The following EEF1A2 variants were observed in gnomAD, a reference collection of about 807,000 sequenced individuals.
EEF1A2 encodes the protein elongation factor 1-alpha 2.
Under a neutral mutation model 39.3 loss-of-function variants are expected in EEF1A2, and 5 were observed. The ratio of observed to expected loss-of-function variants is 0.13; its 90% CI spans 0.07 to 0.27. EEF1A2 has a LOEUF of 0.27. Among genes scored for constraint, EEF1A2 ranks in the 10% least tolerant of loss-of-function variants. The pLI is 1.00. For missense variants in EEF1A2, 218 were observed against 681.4 expected (o/e 0.32, Z 7.57); for synonymous variants, 287 against 293.7 (o/e 0.98, Z 0.23).
intron 5 of EEF1A2, among the ~76,000 whole-genome samples, chr20:63,492,225 GAA>G (rs2145942128): frequency 6.8e-6 from 1 of 147,150 alleles, no homozygotes; most frequent in African/African-American, 2.5e-5. Flanking sequence ...TGGATGGATG[GAA>G]GGATGGATGG....
At chr20:63,495,739 C>G in intron 3 of EEF1A2, 117 bp downstream of exon 3, 1 of 1,359,308 alleles carries the variant, frequency 7.4e-7, no homozygotes, top group Non-Finnish European at 9.9e-7. Flanking sequence ...TGAGGGGTCC[C>G]CTGCCCTCAC....
At position 63,489,078 on chromosome 20, in the gene EEF1A2, G is replaced by A. The variant is rs965429825; in HGVS notation, c.1104C>T (p.Ile368=). The A allele has an allele frequency of 3.7e-6, 6 of 1,612,794 alleles. No homozygotes were observed. The highest frequency in any genetic ancestry group is 1.7e-5 in the Admixed American group (1 of 60,030). ...CCTTCAGCTCCGCAAACTTGCAGGC[G>A]ATGTGGGCTGTGTGGCAGTCGATGA... is the stretch of plus-strand genomic sequence containing the variant. The part of the protein sequence containing the change: ...SPVIDCHTAH[I]ACKFAELKEK... Residue 368 remains isoleucine (I), a synonymous_variant, in exon 7 of 8, where the codon ATC becomes ATT. Transcript: ENST00000217182.
Position 63,493,426 on chromosome 20 carries a change from C to T in EEF1A2, c.622-139G>A, listed in dbSNP as rs546252052. The T allele has an allele frequency of 1.6e-5, 15 of 963,044 alleles. No individual in the cohort carries two copies. The Admixed American group carries it at 5.0e-4, about 32-fold the overall frequency. 59.7% of individuals were successfully genotyped at this position (963,044 alleles called of 1,614,324 possible). On this transcript the variant is annotated intron_variant, in intron 4 of 7. Transcript: ENST00000217182. ...CCCTTTGAGATGAGGAATTTCCCCA[C>T]CCTGCTCCTCCCCAGCCCATAGCCC...
At chr20:63,489,638 C>T (rs2082369149) in intron 6 of EEF1A2, among the ~76,000 whole-genome samples, 1 of 152,140 alleles carries the variant, frequency 6.6e-6, no homozygotes, top group Non-Finnish European at 1.5e-5. Context: ...CAAAAATTAG[C>T]CAGGCGTGGT....
In EEF1A2 at chr20:63,497,476, G is replaced by T; in HGVS notation, c.144+144C>A. On this transcript the variant is annotated intron_variant, in intron 2 of 7. Transcript: ENST00000217182. This position sits in a 1 kb window ranked among gnomAD's most constrained non-coding sequence, Gnocchi z 7.3. ...TGCCCCACCAGACCCTCTGAGGCCT[G>T]AGTGCCCCACAGCGGGGGTCCCTCC... 1 of 1,331,564 alleles carries T rather than the reference G, an allele frequency of 7.5e-7. No homozygotes were observed. Among genetic ancestry groups the T allele is most frequent in the Non-Finnish European group, 1.0e-6 (1 of 986,356 alleles). The allele number at this position is 1,331,564 out of a possible 1,614,324, so 82.5% of individuals were successfully genotyped here. A position where few individuals can be genotyped will look rare whatever the true frequency, so the allele number is the denominator to read the frequency against.
At chr20:63,488,896 TC>T in intron 7 of EEF1A2, 21 bp downstream of exon 7, 1 of 1,606,180 alleles carries the variant, frequency 6.2e-7, no homozygotes, top group South Asian at 1.1e-5. Context: ...GGGCTGCACC[TC>T]CCCGGACCAC....
At chr20:63,492,130 GGAAGTGGATGGA>G (rs2145941866) in intron 5 of EEF1A2, among the ~76,000 whole-genome samples, 1 of 2,684 alleles carries the variant, frequency 3.7e-4, no homozygotes, top group Non-Finnish European at 7.2e-4. Context: ...GGATGGATGG[GGAAGTGGATGGA>G]TGGGGAGGTG....
At position 63,497,851 on chromosome 20, in the gene EEF1A2, G is replaced by A. The variant is rs2082425368; in HGVS notation, c.-71-17C>T. 2.0e-6 allele frequency: 3 copies of A among 1,528,846 alleles called. No homozygotes were observed. The highest frequency in any genetic ancestry group is 2.7e-5 in the African/African-American group (2 of 72,736). 94.7% of individuals were successfully genotyped at this position (1,528,846 alleles called of 1,614,324 possible). ...GCAGTGATTCTGTGGGGCCAGTGGT[G>A]GTGGGGAGACCGGTGATGGGGAGCC... On this transcript the variant is annotated splice_polypyrimidine_tract_variant and intron_variant, in intron 1 of 7. Coordinates refer to ENST00000217182, the MANE Select transcript of EEF1A2 (RefSeq NM_001958.5). This position sits in a 1 kb window ranked among gnomAD's most constrained non-coding sequence, Gnocchi z 7.3.
chr20:63,488,233 G>C lies in EEF1A2; in HGVS notation c.*65C>G. 1 of 877,210 alleles carries C rather than the reference G, an allele frequency of 1.1e-6. No individual in the cohort carries two copies. Among genetic ancestry groups the C allele is most frequent in the Non-Finnish European group, 1.3e-6 (1 of 771,686 alleles). 54.3% of individuals were successfully genotyped at this position (877,210 alleles called of 1,614,324 possible). A position where few individuals can be genotyped will look rare whatever the true frequency, so the allele number is the denominator to read the frequency against. On this transcript the variant is annotated 3_prime_UTR_variant, in exon 8 of 8. Coordinates refer to ENST00000217182, the MANE Select transcript of EEF1A2 (RefSeq NM_001958.5). ...GGCGCGCGGGGCGGGGGCGGGGCGGGGGCCCGGGCCCGGGGTTCGGAGCGC... is the reference window on the plus strand; with the variant it reads ...GGCGCGCGGGGCGGGGGCGGGGCGGCGGCCCGGGCCCGGGGTTCGGAGCGC...
chr20:63,493,577 C>A (rs1007325417), intron 4 of EEF1A2, among the ~76,000 whole-genome samples: 1 of 152,212 alleles, frequency 6.6e-6, no homozygotes, highest in African/African-American at 2.4e-5. Flanking sequence ...CAGTCCAGCC[C>A]CAAGTCCCCG....
At chr20:63,490,255 C>T (rs938063565) in intron 6 of EEF1A2, 5 of 516,656 alleles carry the variant, frequency 9.7e-6, no homozygotes, top group African/African-American at 5.7e-5. Context: ...TTAGTAGAGA[C>T]GGGGTTTCAC....
chr20:63,491,956 AGGTGGATG>A (rs1280358333), intron 5 of EEF1A2, among the ~76,000 whole-genome samples: 3 of 26,386 alleles, frequency 1.1e-4, no homozygotes, highest in African/African-American at 5.2e-4. Flanking sequence ...ACGGATGGGG[AGGTGGATG>A]GATGGATGGA....
intron 4 of EEF1A2, among the ~76,000 whole-genome samples, chr20:63,494,451 C>T (rs1006505944): frequency 3.3e-5 from 5 of 152,252 alleles, no homozygotes; most frequent in Non-Finnish European, 7.3e-5. Flanking sequence ...TGTCCAGGAC[C>T]AGGACAATGG....
intron 5 of EEF1A2, 72 bp from the exon 6 acceptor site, chr20:63,490,807 A>G: frequency 6.6e-7 from 1 of 1,521,204 alleles, no homozygotes; most frequent in East Asian, 2.3e-5. Context: ...TCGGGGACAG[A>G]GCCTGGAAAC....
chr20:63,497,585 C>T lies in EEF1A2; in HGVS notation c.144+35G>A. 6.3e-7 allele frequency: 1 copy of T among 1,592,484 alleles called. No individual in the cohort carries two copies. Among genetic ancestry groups the T allele is most frequent in the East Asian group, 2.3e-5 (1 of 44,442 alleles). On this transcript the variant is annotated intron_variant, in intron 2 of 7. Coordinates refer to ENST00000217182, the MANE Select transcript of EEF1A2 (RefSeq NM_001958.5). This position sits in a 1 kb window ranked among gnomAD's most constrained non-coding sequence, Gnocchi z 7.3. ...CCACCACGGGAGTTGGGGGTTCCTTCTCAGGGGGCCAAGACCATAGCCTGG... is the reference window on the plus strand; with the variant it reads ...CCACCACGGGAGTTGGGGGTTCCTTTTCAGGGGGCCAAGACCATAGCCTGG...
rs765056369 is a variant in EEF1A2 at position 63,494,894 on chromosome 20, T to C, written c.532A>G (p.Ile178Val). Reference sequence around the variant, plus strand: ...GCCGGGTTGTAGCCGATCTTCTTGATGTAGGCGCTGACTTCCTTGACGATC... The same window carrying C: ...GCCGGGTTGTAGCCGATCTTCTTGACGTAGGCGCTGACTTCCTTGACGATC... ...DEIVKEVSAYIKKIGYNPATV... is the reference protein window; with the variant it reads ...DEIVKEVSAYVKKIGYNPATV... The change falls in exon 4 of 8, where the codon ATC becomes GTC. Residue 178 changes from isoleucine to valine, a missense_variant. Physicochemically the swap from Ile to Val is conservative, Grantham distance 29. This residue lies in a region of EEF1A2 where 79 missense variants were observed against 172.3 expected (regional missense o/e 0.46). Transcript: ENST00000217182. 3 of 1,612,768 alleles carry C rather than the reference T, an allele frequency of 1.9e-6. No homozygotes were observed. The highest frequency in any genetic ancestry group is 2.2e-5 in the East Asian group (1 of 44,868).
intron 6 of EEF1A2, 71 bp downstream of exon 6, chr20:63,490,408 C>T: frequency 1.3e-6 from 2 of 1,540,152 alleles, no homozygotes; most frequent in Non-Finnish European, 1.8e-6. Flanking sequence ...CTGCCGACAG[C>T]AGCCTCACCC....
At position 63,496,058 on chromosome 20, in the gene EEF1A2, C is replaced by T. The variant is rs150681256; in HGVS notation, c.145-23G>A. The T allele has an allele frequency of 9.3e-5, 150 of 1,611,274 alleles. No individual in the cohort carries two copies. In the African/African-American group the frequency reaches 1.8e-3, roughly 19 times the overall value. ...CATCTGGAGCGGGTGAGGGTCACGGCTGAGGGCGGGACCCGGGACCCAGGA... is the reference window on the plus strand; with the variant it reads ...CATCTGGAGCGGGTGAGGGTCACGGTTGAGGGCGGGACCCGGGACCCAGGA... On this transcript the variant is annotated intron_variant, in intron 2 of 7. Transcript: ENST00000217182.
Position 63,489,064 on chromosome 20 carries a change from G to T in EEF1A2, c.1118C>A (p.Ala373Glu). 6.2e-7 allele frequency: 1 copy of T among 1,612,778 alleles called. No homozygotes were observed. Among genetic ancestry groups the T allele is most frequent in the Non-Finnish European group, 8.5e-7 (1 of 1,179,940 alleles). ...CHTAHIACKF[A>E]ELKEKIDRRS... Reference sequence around the variant, plus strand: ...CCGGTCAATCTTCTCCTTCAGCTCCGCAAACTTGCAGGCGATGTGGGCTGT... The same window carrying T: ...CCGGTCAATCTTCTCCTTCAGCTCCTCAAACTTGCAGGCGATGTGGGCTGT... The change falls in exon 7 of 8, where the codon GCG becomes GAG. Residue 373 changes from alanine to glutamate, a missense_variant. Ala to Glu is a moderately radical substitution (Grantham distance 107). Transcript: ENST00000217182.
Sources: allele counts gnomAD v4.1 joint callset (sites outside exome capture counted in the v4.1 genomes callset), GRCh38; gene constraint gnomAD v4.1.1; regional missense constraint gnomAD v4.1.1; non-coding constraint Gnocchi (gnomAD v3.1); transcripts MANE v1.5; gene names NCBI Gene and HGNC (gene_info 2026-07-23, HGNC 2026-07-21).